FRMD6: variants seen among roughly 807,000 people sequenced by gnomAD.
FRMD6 encodes the protein FERM domain containing 6, also known as FERM domain-containing protein 6.
Under a neutral mutation model 73.2 loss-of-function variants are expected in FRMD6, and 37 were observed. The ratio of observed to expected loss-of-function variants is 0.51; its 90% CI spans 0.39 to 0.66. The LOEUF (loss-of-function observed/expected upper bound fraction) is 0.66. FRMD6 is among the 30% of genes least tolerant of loss of function. The pLI is 0.00. For synonymous variants in FRMD6, 273 were observed against 282.2 expected (o/e 0.97, Z 0.33); for missense variants, 714 against 780.5 (o/e 0.91, Z 1.02).
chr14:51,514,811 G>T (rs576233306), intron 1 of FRMD6, among the ~76,000 whole-genome samples: 1 of 152,274 alleles, frequency 6.6e-6, no homozygotes, highest in Admixed American at 6.5e-5. Flanking sequence ...TTGCACCACT[G>T]CACTCCAGCC....
At chr14:51,428,441 C>T in the FRMD6 span, among the ~76,000 whole-genome samples, 7 of 152,198 alleles carry the variant, frequency 4.6e-5, no homozygotes, top group Admixed American at 3.9e-4. Context: ...TTATATGCTG[C>T]GTATATGGAG....
intron 1 of FRMD6, among the ~76,000 whole-genome samples, chr14:51,688,088 T>C (rs1895292707): frequency 6.6e-6 from 1 of 152,028 alleles, no homozygotes; most frequent in African/African-American, 2.4e-5. Flanking sequence ...AACTGATGCT[T>C]TGGAATTGTT....
At chr14:51,414,994 C>T in the FRMD6 span, among the ~76,000 whole-genome samples, 12 of 152,260 alleles carry the variant, frequency 7.9e-5, no homozygotes, top group East Asian at 2.3e-3. Context: ...TTTCTGCACT[C>T]TGATTTTGTA....
intron 1 of FRMD6, among the ~76,000 whole-genome samples, chr14:51,653,533 T>C (rs1892585576): frequency 6.6e-6 from 1 of 152,184 alleles, no homozygotes; most frequent in Non-Finnish European, 1.5e-5. Flanking sequence ...TCAGCAGTGT[T>C]AAAGGATGAG....
intron 2 of FRMD6, chr14:51,643,441 A>G (rs1185125296): frequency 6.6e-6 from 1 of 152,194 alleles, no homozygotes; most frequent in African/African-American, 2.4e-5. Context: ...CATTTATTCA[A>G]TTTTCTTTAG....
chr14:51,682,063 T>G (rs1423303263), intron 1 of FRMD6, among the ~76,000 whole-genome samples: 3 of 152,332 alleles, frequency 2.0e-5, no homozygotes, highest in Non-Finnish European at 4.4e-5. Flanking sequence ...CCTTTGTTGC[T>G]GAAAATTACT....
intron 2 of FRMD6, among the ~76,000 whole-genome samples, chr14:51,572,015 A>G (rs955612356): frequency 1.3e-5 from 2 of 152,208 alleles, no homozygotes; most frequent in Non-Finnish European, 2.9e-5. Context: ...TTTATCTTCT[A>G]TGAAGGTTTG....
intron 1 of FRMD6, among the ~76,000 whole-genome samples, chr14:51,493,094 G>A (rs1457863852): frequency 6.6e-6 from 1 of 152,070 alleles, no homozygotes; most frequent in Non-Finnish European, 1.5e-5. Context: ...TCCTATTATG[G>A]CTTTAAAAAG....
chr14:51,712,355 C>T, intron 8 of FRMD6, 128 bp from the exon 9 acceptor site: 1 of 646,148 alleles, frequency 1.5e-6, no homozygotes, highest in Non-Finnish European at 2.8e-6. Context: ...CTGTATTTCT[C>T]CAAAGAGATG....
intron 1 of FRMD6, among the ~76,000 whole-genome samples, chr14:51,552,780 GCTGAGGAA>G (rs1202475112): frequency 1.3e-5 from 2 of 152,216 alleles, no homozygotes; most frequent in African/African-American, 4.8e-5. Context: ...TCTGGGTTAA[GCTGAGGAA>G]CTGTTTAAAT....
At chr14:51,532,053 T>A (rs1178611577) in intron 1 of FRMD6, among the ~76,000 whole-genome samples, 1 of 152,226 alleles carries the variant, frequency 6.6e-6, no homozygotes, top group East Asian at 1.9e-4. Flanking sequence ...TATTCATCTT[T>A]TCTTCTCTGG....
At position 51,704,830 on chromosome 14, in the gene FRMD6, C is replaced by G. The variant is rs761919699; in HGVS notation, c.453C>G (p.Ala151=). 6.2e-7 allele frequency: 1 copy of G among 1,613,438 alleles called. No individual in the cohort carries two copies. The highest frequency in any genetic ancestry group is 8.5e-7 in the Non-Finnish European group (1 of 1,179,606). Reference sequence around the variant, plus strand: ...CTCAGTGTGTGCTCCGAGAGGAGGCCTACTTCCTGCTGGCAGCCTTTGCCC... The same window carrying G: ...CTCAGTGTGTGCTCCGAGAGGAGGCGTACTTCCTGCTGGCAGCCTTTGCCC... The part of the protein sequence containing the change: ...LHSQCVLREE[A]YFLLAAFALQ... Residue 151 remains alanine (A), a synonymous_variant, in exon 6 of 14, where the codon GCC becomes GCG. Transcript: ENST00000344768.
chr14:51,550,317 C>A (rs1184772928), intron 1 of FRMD6, among the ~76,000 whole-genome samples: 1 of 152,192 alleles, frequency 6.6e-6, no homozygotes, highest in Non-Finnish European at 1.5e-5. Flanking sequence ...TGGCTCACTG[C>A]AGCCTTGGCC....
chr14:51,559,472 CTTTTTTTTT>C (rs368241546), intron 1 of FRMD6, among the ~76,000 whole-genome samples: 1 of 145,644 alleles, frequency 6.9e-6, no homozygotes, highest in Non-Finnish European at 1.5e-5. Flanking sequence ...TTCCACGTTA[CTTTTTTTTT>C]TTTTTTTTTT....
At chr14:51,670,623 C>T (rs1025456713) in intron 1 of FRMD6, among the ~76,000 whole-genome samples, 2 of 150,314 alleles carry the variant, frequency 1.3e-5, no homozygotes, top group Non-Finnish European at 3.0e-5. Context: ...TATTAATGTA[C>T]ATTTTTATAT....
rs747500825 is a variant in FRMD6, at chr14:51,721,940, C to T, written c.1361-9C>T. The stretch of plus-strand genomic sequence containing the variant: ...TGTCATTAACTATCTTTTCCTTCTT[C>T]TGTGTCAGAAATAGAGATGTTGGTT... On this transcript the variant is annotated splice_polypyrimidine_tract_variant and intron_variant, in intron 11 of 13. Coordinates refer to ENST00000344768, the MANE Select transcript of FRMD6 (RefSeq NM_001267046.2). 3.1e-6 allele frequency: 5 copies of T among 1,613,474 alleles called. No homozygotes were observed. The African/African-American group carries it at 6.7e-5, about 22-fold the overall frequency.
chr14:51,594,620 C>T (rs374526028), intron 2 of FRMD6, among the ~76,000 whole-genome samples: 4 of 152,260 alleles, frequency 2.6e-5, no homozygotes, highest in African/African-American at 7.2e-5. Flanking sequence ...TGAGCCACCA[C>T]GCCTGGCTAA....
In FRMD6 at chr14:51,707,959, A is replaced by C. The variant is rs78444839; in HGVS notation, c.559-119A>C. On this transcript the variant is annotated intron_variant, in intron 6 of 13. Coordinates refer to ENST00000344768, the MANE Select transcript of FRMD6 (RefSeq NM_001267046.2). ...TGAAAACAGAATGAATTTTCAATGC[A>C]AACCAACCAGTTTACATGGCCTATT... 4.2e-3 allele frequency: 3,746 copies of C among 886,308 alleles called. 103 individuals carry two copies. The African/African-American group carries it at 0.054, about 13-fold the overall frequency. 54.9% of individuals were successfully genotyped at this position (886,308 alleles called of 1,614,324 possible).
intron 1 of FRMD6, among the ~76,000 whole-genome samples, chr14:51,667,594 G>A (rs1261095900): frequency 6.6e-6 from 1 of 152,274 alleles, no homozygotes; most frequent in Non-Finnish European, 1.5e-5. Context: ...ACAAAGGTCA[G>A]CTGCAGTGGT....
Sources: allele counts gnomAD v4.1 joint callset (sites outside exome capture counted in the v4.1 genomes callset), GRCh38; gene constraint gnomAD v4.1.1; transcripts MANE v1.5; gene names NCBI Gene and HGNC (gene_info 2026-07-23, HGNC 2026-07-21).